Variants in PLEKHA8 observed in about 807,000 individuals in gnomAD.
The protein encoded by PLEKHA8 is pleckstrin homology domain-containing family A member 8.
PLEKHA8 carries 36 observed loss-of-function variants against 68.2 expected under a neutral mutation model. The ratio of observed to expected loss-of-function variants is 0.53; its 90% confidence interval spans 0.40 to 0.70. PLEKHA8 has a LOEUF of 0.70. PLEKHA8 is among the 30% of genes least tolerant of loss of function. The pLI is 0.00. For synonymous variants in PLEKHA8, 211 were observed against 216.1 expected, an observed-to-expected ratio of 0.98 and a Z score of 0.20; for missense variants, 505 against 615.4, an observed-to-expected ratio of 0.82 and a Z score of 1.90.
In PLEKHA8 at chr7:30,114,203, C is replaced by CT. The variant is rs373731966; in HGVS notation, c.1363-15055dup. On this transcript the variant is annotated intron_variant, in intron 13 of 13. Transcript: ENST00000396257. ...AGTGAGACACACCTGCCCTACTTTT[C>CT]TTTTTTTTGTTACAATAGTAGCTAA... 2.1e-3 allele frequency among the ~76,000 whole-genome samples: 312 copies of CT among 152,110 alleles called. 1 individual carries two copies. Among genetic ancestry groups the CT allele is most frequent in the African/African-American group, 6.0e-3 (249 of 41,518 alleles).
intron 13 of PLEKHA8, among the ~76,000 whole-genome samples, chr7:30,119,044 G>C (rs1461400315): frequency 6.6e-6 from 1 of 152,204 alleles, no homozygotes; most frequent in Non-Finnish European, 1.5e-5. Context: ...ATTGGCCCGT[G>C]GTACAGACAT....
At chr7:30,094,275 CTTTT>C, downstream of PLEKHA8, among the ~76,000 whole-genome samples, 1 of 138,268 alleles carries the variant, frequency 7.2e-6, no homozygotes. Context: ...CAAGTTTCTA[CTTTT>C]TTTTTTTTTT....
chr7:30,122,409 G>A (rs1029836292), intron 13 of PLEKHA8, among the ~76,000 whole-genome samples: 1 of 152,042 alleles, frequency 6.6e-6, no homozygotes, highest in African/African-American at 2.4e-5. Context: ...TCACCCCCTT[G>A]CAAGAAGTTG....
chr7:30,040,831 A>C (rs1472491072), intron 1 of PLEKHA8, among the ~76,000 whole-genome samples: 1 of 152,188 alleles, frequency 6.6e-6, no homozygotes, highest in Non-Finnish European at 1.5e-5. Context: ...TTTTATGTCT[A>C]ATCCTTCCCA....
rs528315354 is a variant in PLEKHA8, at chr7:30,124,892, T to A, written c.1363-4374T>A. 2.0e-5 allele frequency among the ~76,000 whole-genome samples: 3 copies of A among 152,206 alleles called. No individual in the cohort carries two copies. In the South Asian group the frequency reaches 6.2e-4, roughly 31 times the overall value. On this transcript the variant is annotated intron_variant, in intron 13 of 13. Transcript: ENST00000396257. ...TTCAAATATGTTCTGATAAGTTTTT[T>A]TTTTAAATTTTTGTTCTCCCAAAAA...
intron 12 of PLEKHA8, 99 bp from the exon 13 acceptor site, chr7:30,073,972 C>A: frequency 1.1e-6 from 1 of 951,334 alleles, no homozygotes; most frequent in Non-Finnish European, 1.6e-6. Flanking sequence ...GGTGACAGAG[C>A]AAGACCCTGT....
downstream of PLEKHA8, chr7:30,129,779 CTG>C (rs1239570616): frequency 5.7e-5 from 9 of 156,844 alleles, no homozygotes; most frequent in African/African-American, 1.7e-4. Context: ...GATGAGAAAA[CTG>C]GGGTTTGCAG....
chr7:30,098,916 G>T (rs994200826), intron 13 of PLEKHA8, among the ~76,000 whole-genome samples: 1 of 152,280 alleles, frequency 6.6e-6, no homozygotes, highest in Admixed American at 6.5e-5. Flanking sequence ...GCTCACGCTG[G>T]GAGCTGTAGA....
At position 30,079,915 on chromosome 7, in the gene PLEKHA8, A is replaced by G. The variant is rs1159352722; in HGVS notation, c.*1128A>G. The G allele has an allele frequency of 1.1e-4, 110 of 982,784 alleles. No homozygotes were observed. The highest frequency in any genetic ancestry group is 1.3e-4 in the Non-Finnish European group (106 of 828,596). 60.9% of individuals were successfully genotyped at this position (982,784 alleles called of 1,614,324 possible). ...GATATGTCCTTTTTTTTTTTTTCAA[A>G]GAGGATAAGGCTGCTATTTAAATAA... On this transcript the variant is annotated 3_prime_UTR_variant, in exon 14 of 14. Transcript: ENST00000449726.
chr7:30,054,145 A>C (rs1299079771), intron 7 of PLEKHA8, among the ~76,000 whole-genome samples: 3 of 152,194 alleles, frequency 2.0e-5, no homozygotes, highest in African/African-American at 7.2e-5. Flanking sequence ...TGTGGCACTA[A>C]GTAAGGACAT....
intron 4 of PLEKHA8, among the ~76,000 whole-genome samples, chr7:30,048,333 A>G (rs1441571445): frequency 6.6e-6 from 1 of 152,212 alleles, no homozygotes; most frequent in African/African-American, 2.4e-5. Flanking sequence ...TGTTAATTAC[A>G]GTCTTGCAGA....
chr7:30,049,308 G>A lies in PLEKHA8; in HGVS notation c.523G>A (p.Ala175Thr). 6.2e-7 allele frequency: 1 copy of A among 1,614,072 alleles called. No individual in the cohort carries two copies. The highest frequency in any genetic ancestry group is 8.5e-7 in the Non-Finnish European group (1 of 1,180,028). Reference protein sequence around the residue: ...TLEECMQIANAAFTSELLYRT... With the variant: ...TLEECMQIANTAFTSELLYRT... ...GGAAGAATGCATGCAGATCGCAAATGCAGCCTTCACCTCTGAGCTGCTCTA... is the reference window on the plus strand; with the variant it reads ...GGAAGAATGCATGCAGATCGCAAATACAGCCTTCACCTCTGAGCTGCTCTA... The change falls in exon 5 of 14, where the codon GCA becomes ACA. Residue 175 changes from alanine (A) to threonine (T), a missense_variant. Coordinates refer to ENST00000449726, the MANE Select transcript of PLEKHA8 (RefSeq NM_001197026.2).
chr7:30,081,105 G>C lies in PLEKHA8; in HGVS notation c.*2318G>C. On this transcript the variant is annotated 3_prime_UTR_variant, in exon 14 of 14. Coordinates refer to ENST00000449726, the MANE Select transcript of PLEKHA8 (RefSeq NM_001197026.2). ...TGGCCATTTTGCATTTGTATAGGTA[G>C]TGACTAGATGTACACAACTTAATTT... 2 of 985,370 alleles carry C rather than the reference G, an allele frequency of 2.0e-6. No individual in the cohort carries two copies. The highest frequency in any genetic ancestry group is 2.4e-6 in the Non-Finnish European group (2 of 829,918). The allele number at this position is 985,370 out of a possible 1,614,324, so 61.0% of individuals were successfully genotyped here.
At chr7:30,109,559 G>A (rs1326972623) in intron 13 of PLEKHA8, among the ~76,000 whole-genome samples, 3 of 111,696 alleles carry the variant, frequency 2.7e-5, no homozygotes, top group Admixed American at 1.3e-4. Context: ...TTGCACTCCA[G>A]CCTGGGCAAC....
intron 2 of PLEKHA8, 91 bp from the exon 3 acceptor site, chr7:30,046,119 G>A: frequency 8.0e-7 from 1 of 1,242,380 alleles, no homozygotes; most frequent in Non-Finnish European, 1.1e-6. Context: ...TTCAATGACT[G>A]CCATCAATTA....
chr7:30,094,886 T>G (rs1216509498), downstream of PLEKHA8, among the ~76,000 whole-genome samples: 2 of 152,198 alleles, frequency 1.3e-5, no homozygotes, highest in Admixed American at 6.5e-5. Flanking sequence ...TAGTATTCCA[T>G]GGTGTATATG....
At chr7:30,092,043 A>ATGT (rs1795434041), downstream of PLEKHA8, among the ~76,000 whole-genome samples, 1 of 152,198 alleles carries the variant, frequency 6.6e-6, no homozygotes, top group African/African-American at 2.4e-5. Flanking sequence ...TGAGCAACTA[A>ATGT]GGACCCTGTC....
intron 12 of PLEKHA8, among the ~76,000 whole-genome samples, chr7:30,071,659 C>G (rs1794245976): frequency 6.6e-6 from 1 of 152,156 alleles, no homozygotes; most frequent in Non-Finnish European, 1.5e-5. Context: ...GGTAGACTTG[C>G]CCTGAATTCT....
chr7:30,065,886 T>G (rs2127991037), intron 12 of PLEKHA8, among the ~76,000 whole-genome samples: 1 of 152,342 alleles, frequency 6.6e-6, no homozygotes, highest in Middle Eastern at 3.4e-3. Flanking sequence ...AGCAGCATCT[T>G]TATCACCTGA....
Sources: gnomAD v4.1 joint callset for allele counts (sites outside exome capture counted in the v4.1 genomes callset) on GRCh38, gnomAD v4.1.1 for gene constraint, MANE v1.5 for transcripts, NCBI Gene and HGNC (gene_info 2026-07-23, HGNC 2026-07-21) for gene names.